The following CSMD2 variants were observed in gnomAD, a reference collection of about 807,000 sequenced individuals.
CSMD2 encodes CUB and sushi domain-containing protein 2.
CSMD2 carries 130 observed loss-of-function variants against 398.5 expected under a neutral mutation model. The ratio of observed to expected loss-of-function variants is 0.33; its 90% confidence interval spans 0.28 to 0.38. CSMD2 has a LOEUF of 0.38. CSMD2 is among the 10% of genes least tolerant of loss of function. The probability of loss-of-function intolerance (pLI) is 1.00; values close to 1 mark genes in which losing one functional copy is unlikely to be tolerated. For missense variants in CSMD2, 3,829 were observed against 4,764.9 expected, an observed-to-expected ratio of 0.80 and a Z score of 5.78; for synonymous variants, 1,828 against 1,908.5, an observed-to-expected ratio of 0.96 and a Z score of 1.10.
chr1:33,659,718 C>G (rs1644067111), intron 26 of CSMD2, among the ~76,000 whole-genome samples: 1 of 152,216 alleles, frequency 6.6e-6, no homozygotes, highest in Non-Finnish European at 1.5e-5. Context: ...CCTAGGGCAA[C>G]TGTATACACT....
At chr1:33,626,292 A>G (rs1346427241) in intron 33 of CSMD2, among the ~76,000 whole-genome samples, 194 bp downstream of exon 33, 2 of 152,220 alleles carry the variant, frequency 1.3e-5, no homozygotes, top group Non-Finnish European at 2.9e-5. Context: ...GAACTTGTCT[A>G]AGAAATGTCT....
chr1:34,088,993 C>T lies in CSMD2; in HGVS notation c.388G>A (p.Glu130Lys), dbSNP rs769801452. 2 of 1,613,844 alleles carry T rather than the reference C, an allele frequency of 1.2e-6. No homozygotes were observed. The highest frequency in any genetic ancestry group is 2.7e-5 in the African/African-American group (2 of 75,052). ...GCATGGTACCTCGTACGCAGATTCT[C>T]TGGCTGGGGTGGACCATCAAACACC... is the stretch of plus-strand genomic sequence containing the variant. The part of the protein sequence containing the change: ...LSVFDGPPQP[E>K]NLRTRLTGFQ... The change falls in exon 2 of 71, where the codon GAG becomes AAG. Residue 130 changes from glutamate (E) to lysine (K), a missense_variant. By Grantham distance (56) the Glu-to-Lys change is moderately conservative. Coordinates refer to ENST00000373381, the MANE Select transcript of CSMD2 (RefSeq NM_001281956.2).
At chr1:34,079,102 T>G (rs1432625464) in intron 2 of CSMD2, among the ~76,000 whole-genome samples, 1 of 152,162 alleles carries the variant, frequency 6.6e-6, no homozygotes, top group Non-Finnish European at 1.5e-5. Flanking sequence ...CAAAATCCTC[T>G]GCTTAAAAAT....
At chr1:34,112,505 T>A (rs769635232) in intron 1 of CSMD2, among the ~76,000 whole-genome samples, 1 of 152,216 alleles carries the variant, frequency 6.6e-6, no homozygotes, top group Non-Finnish European at 1.5e-5. Context: ...TGTGAATGAA[T>A]GTCCTGGAGA....
In CSMD2 at chr1:33,820,565, C is replaced by CAAAACAA; in HGVS notation, c.1112-10_1112-9insTTGTTTT. Reference sequence around the variant, plus strand: ...CACACCAACCTGAGTTACTACAAGGCAAAAAAAAAAAAAAAAAAAAAAACA... The same window carrying CAAAACAA: ...CACACCAACCTGAGTTACTACAAGGCAAAACAAAAAAAAAAAAAAAAAAAAAAAAACA... On this transcript the variant is annotated splice_polypyrimidine_tract_variant and intron_variant, in intron 7 of 70. Coordinates refer to ENST00000373381, the MANE Select transcript of CSMD2 (RefSeq NM_001281956.2). 2.3e-6 allele frequency: 1 copy of CAAAACAA among 442,168 alleles called. No individual in the cohort carries two copies. The highest frequency in any genetic ancestry group is 3.1e-5 in the South Asian group (1 of 32,268). The allele number at this position is 442,168 out of a possible 1,614,324, so 27.4% of individuals were successfully genotyped here.
intron 25 of CSMD2, among the ~76,000 whole-genome samples, chr1:33,674,784 A>G (rs879373686): frequency 2.6e-5 from 4 of 152,286 alleles, no homozygotes; most frequent in African/African-American, 4.8e-5. Context: ...CAATCAAACT[A>G]GAACTCAGGG....
chr1:33,960,395 A>G (rs756860313), intron 3 of CSMD2, among the ~76,000 whole-genome samples: 7 of 152,206 alleles, frequency 4.6e-5, no homozygotes, highest in Non-Finnish European at 8.8e-5. Flanking sequence ...TCACACAGAC[A>G]TTATCAGACC....
intron 62 of CSMD2, among the ~76,000 whole-genome samples, chr1:33,535,661 T>C (rs574094468): frequency 6.6e-6 from 1 of 152,318 alleles, no homozygotes; most frequent in African/African-American, 2.4e-5. Context: ...CCAAGCTGTT[T>C]TCCAACCTAG....
chr1:34,158,512 T>C (rs527420029), intron 1 of CSMD2, among the ~76,000 whole-genome samples: 65 of 152,114 alleles, frequency 4.3e-4, no homozygotes, highest in African/African-American at 1.5e-3. Flanking sequence ...ATGGGTTGAG[T>C]GAGGGGACCA....
Position 34,165,204 on chromosome 1 carries a change from G to A in CSMD2, c.-107C>T. On this transcript the variant is annotated 5_prime_UTR_variant, in exon 1 of 71. Coordinates refer to ENST00000373381, the MANE Select transcript of CSMD2 (RefSeq NM_001281956.2). ...TGCTCGGAAAAAATCCCGGTACGCG[G>A]GAGCCCTGAGCTTCTGCGGCTGGAA... The A allele has an allele frequency of 1.7e-6, 2 of 1,164,456 alleles. No individual in the cohort carries two copies. The highest frequency in any genetic ancestry group is 2.1e-6 in the Non-Finnish European group (2 of 945,098). 72.1% of individuals were successfully genotyped at this position (1,164,456 alleles called of 1,614,324 possible).
At chr1:33,929,328 G>C (rs1410536831) in intron 4 of CSMD2, among the ~76,000 whole-genome samples, 2 of 151,550 alleles carry the variant, frequency 1.3e-5, no homozygotes, top group African/African-American at 4.9e-5. Context: ...CTCTTGCTCA[G>C]CTAGTATCCA....
At chr1:33,817,461 C>T (rs989185383) in intron 9 of CSMD2, among the ~76,000 whole-genome samples, 2 of 152,106 alleles carry the variant, frequency 1.3e-5, no homozygotes, top group African/African-American at 4.8e-5. Flanking sequence ...AGGAACCCGC[C>T]CAGGGCCAGC....
intron 48 of CSMD2, 71 bp from the exon 49 acceptor site, chr1:33,577,555 C>T (rs1638365312): frequency 7.6e-7 from 1 of 1,317,754 alleles, no homozygotes; most frequent in African/African-American, 2.5e-5. Context: ...ATGCAGGCCC[C>T]TTTCCCTTTC....
At chr1:33,832,586 G>A (rs7367277) in intron 6 of CSMD2, among the ~76,000 whole-genome samples, 115,295 of 147,248 alleles carry the variant, frequency 0.78, 46,040 homozygotes, top group East Asian at 0.94. Context: ...TCACAATTAA[G>A]AGAACTAGAG....
At chr1:33,752,511 C>T (rs991253386) in intron 13 of CSMD2, among the ~76,000 whole-genome samples, 4 of 152,276 alleles carry the variant, frequency 2.6e-5, no homozygotes, top group Admixed American at 1.3e-4. Flanking sequence ...TGCAGAACCA[C>T]GAGCCAAATC....
chr1:34,132,497 G>A (rs1371259372), intron 1 of CSMD2, among the ~76,000 whole-genome samples: 1 of 152,166 alleles, frequency 6.6e-6, no homozygotes, highest in Non-Finnish European at 1.5e-5. Flanking sequence ...TTAACTTTAT[G>A]TGTCAACTTG....
chr1:33,967,797 CA>C (rs1311877798), intron 3 of CSMD2, among the ~76,000 whole-genome samples: 1 of 152,130 alleles, frequency 6.6e-6, no homozygotes, highest in Non-Finnish European at 1.5e-5. Flanking sequence ...TTCTGACCTC[CA>C]GTCTGTGAAG....
intron 2 of CSMD2, among the ~76,000 whole-genome samples, chr1:34,076,907 A>C (rs1656395632): frequency 1.2e-5 from 1 of 86,430 alleles, no homozygotes; most frequent in East Asian, 3.5e-4. Flanking sequence ...GTTACAGCAA[A>C]GCAAAAAAAA....
chr1:33,524,805 A>G, intron 66 of CSMD2, 77 bp downstream of exon 66: 2 of 1,449,232 alleles, frequency 1.4e-6, no homozygotes, highest in Non-Finnish European at 1.9e-6. Flanking sequence ...GTATGATGCA[A>G]TGCCATTAGG....
Sources: gnomAD v4.1 joint callset for allele counts (sites outside exome capture counted in the v4.1 genomes callset) on GRCh38, gnomAD v4.1.1 for gene constraint, MANE v1.5 for transcripts, NCBI Gene and HGNC (gene_info 2026-07-23, HGNC 2026-07-21) for gene names.